The following AHSG variants were observed in gnomAD, a reference collection of about 807,000 sequenced individuals.
AHSG encodes the protein alpha 2-HS glycoprotein, also known as alpha-2-HS-glycoprotein.
AHSG carries 23 observed loss-of-function variants against 30.1 expected under a neutral mutation model. The observed-to-expected ratio is 0.76, with a 90% CI of 0.55 to 1.08. AHSG has a LOEUF of 1.08. AHSG is among the 50% of genes least tolerant of loss of function. The pLI, the probability that AHSG is intolerant of heterozygous loss-of-function variation, is 0.00. For synonymous variants in AHSG, 164 were observed against 186.3 expected (o/e 0.88, Z 0.98); for missense variants, 469 against 459.5 (o/e 1.02, Z -0.19).
At position 186,617,276 on chromosome 3, in the gene AHSG, G is replaced by A; in HGVS notation, c.499G>A (p.Ala167Thr). The A allele has an allele frequency of 1.2e-6, 2 of 1,614,212 alleles. No individual in the cohort carries two copies. Among genetic ancestry groups the A allele is most frequent in the Non-Finnish European group, 8.5e-7 (1 of 1,180,042 alleles). ...CAGGGTGGTGCACGCCGCGAAAGCT[G>A]CCCTGGCCGCCTTCAACGCTCAGAA... ...DTRVVHAAKA[A>T]LAAFNAQNNG... Residue 167 changes from alanine (A) to threonine (T), a missense_variant, in exon 4 of 7, where the codon GCC (alanine) becomes ACC (threonine). Coordinates refer to ENST00000411641, the MANE Select transcript of AHSG (RefSeq NM_001622.4).
intron 1 of AHSG, among the ~76,000 whole-genome samples, chr3:186,613,654 C>T (rs1435456841): frequency 6.6e-6 from 1 of 152,112 alleles, no homozygotes; most frequent in Non-Finnish European, 1.5e-5. Flanking sequence ...AACTAGGACC[C>T]AAGAGACCAG....
rs1038661264 is a variant in AHSG at position 186,613,146 on chromosome 3, A to G, written c.5A>G (p.Lys2Arg). 2.7e-5 allele frequency: 43 copies of G among 1,614,032 alleles called. No individual in the cohort carries two copies. The highest frequency in any genetic ancestry group is 3.5e-5 in the Non-Finnish European group (41 of 1,179,980). Residue 2 changes from lysine to arginine, a missense_variant, in exon 1 of 7, where the codon AAG becomes AGG. Coordinates refer to ENST00000411641, the MANE Select transcript of AHSG (RefSeq NM_001622.4). M[K>R]SLVLLLCLAQ... is the part of the protein sequence containing the mutation. The stretch of plus-strand genomic sequence containing the variant: ...CAGGGCCTCTCTGGGGCAGCCATGA[A>G]GTCCCTCGTCCTGCTCCTTTGTCTT...
intron 5 of AHSG, among the ~76,000 whole-genome samples, chr3:186,619,191 G>A (rs751129993): frequency 1.6e-4 from 25 of 152,144 alleles, no homozygotes; most frequent in Non-Finnish European, 2.6e-4. Context: ...CAGCTACTCG[G>A]GAGGCTGAGG....
Position 186,620,630 on chromosome 3 carries a change from C to T in AHSG, c.804C>T (p.Val268=), listed in dbSNP as rs144873304. ...AACCAGAAGGTGCCAATGAAGCAGT[C>T]CCCACACCCGTGGTGGACCCAGATG... ...QPQPEGANEA[V]PTPVVDPDAP... Residue 268 remains valine (V), a synonymous_variant, in exon 7 of 7, where the codon GTC becomes GTT. Transcript: ENST00000411641. 1.7e-3 allele frequency: 2,805 copies of T among 1,612,762 alleles called. 8 individuals are homozygous for T. The highest frequency in any genetic ancestry group is 2.4e-3 in the South Asian group (222 of 91,030).
Position 186,613,336 on chromosome 3 carries a change from A to C in AHSG, c.195A>C (p.Glu65Asp). The change falls in exon 1 of 7, where the codon GAA becomes GAC. Residue 65 changes from glutamate to aspartate, a missense_variant. Coordinates refer to ENST00000411641, the MANE Select transcript of AHSG (RefSeq NM_001622.4). Reference protein sequence around the residue: ...GYKHTLNQIDEVKVWPQQPSG... With the variant: ...GYKHTLNQIDDVKVWPQQPSG... ...AACACACCTTGAACCAGATTGATGA[A>C]GTAAAGGTGTGGCCTCAGGTAAGTG... 1 of 1,613,674 alleles carries C rather than the reference A, an allele frequency of 6.2e-7. No individual in the cohort carries two copies.
At chr3:186,613,954 A>T (rs772494057) in intron 1 of AHSG, among the ~76,000 whole-genome samples, 1 of 151,176 alleles carries the variant, frequency 6.6e-6, no homozygotes, top group African/African-American at 2.4e-5. Flanking sequence ...GTCCAAAATC[A>T]TATAATTACT....
At chr3:186,619,344 A>C (rs1482329776) in intron 5 of AHSG, among the ~76,000 whole-genome samples, 1 of 152,172 alleles carries the variant, frequency 6.6e-6, no homozygotes, top group Non-Finnish European at 1.5e-5. Context: ...ATTTGACAGA[A>C]TATATCTATA....
intron 1 of AHSG, among the ~76,000 whole-genome samples, chr3:186,615,326 A>T (rs552607192): frequency 6.6e-6 from 1 of 152,358 alleles, no homozygotes; most frequent in Non-Finnish European, 1.5e-5. Flanking sequence ...GTGAAATCTT[A>T]AAAAATTAAA....
intron 3 of AHSG, among the ~76,000 whole-genome samples, chr3:186,616,763 A>G (rs113048468): frequency 1.3e-5 from 2 of 152,274 alleles, no homozygotes; most frequent in African/African-American, 4.8e-5. Flanking sequence ...TGAAGTCAGA[A>G]GTTCGAGACC....
rs1178245414 is a variant in AHSG, at chr3:186,620,852, G to C, written c.1026G>C (p.Val342=). The change falls in exon 7 of 7, where the codon GTG becomes GTC. Residue 342 remains valine (V), a synonymous_variant. Coordinates refer to ENST00000411641, the MANE Select transcript of AHSG (RefSeq NM_001622.4). The part of the protein sequence containing the change: ...EVSHPRKTRT[V]VQPSVGAAAG... The stretch of plus-strand genomic sequence containing the variant: ...CGCACCCCCGGAAAACACGCACAGT[G>C]GTGCAGCCTAGTGTTGGTGCTGCTG... The C allele has an allele frequency of 6.2e-7, 1 of 1,614,190 alleles. No homozygotes were observed. The highest frequency in any genetic ancestry group is 1.7e-5 in the Admixed American group (1 of 60,020).
rs761660984 is a variant in AHSG, at chr3:186,620,589, G to A, written c.763G>A (p.Val255Met). 29 of 1,589,880 alleles carry A rather than the reference G, an allele frequency of 1.8e-5. 1 individual carries two copies. Among genetic ancestry groups the A allele is most frequent in the Middle Eastern group, 3.3e-4 (2 of 5,974 alleles). ...VTCMVFQTQP[V>M]SSQPQPEGAN... ...AAGGAAATGGTCCTTTTTCCAGCCC[G>A]TGAGCTCACAGCCCCAACCAGAAGG... Residue 255 changes from valine (V) to methionine (M), a missense_variant, in exon 7 of 7, where the codon GTG becomes ATG. Val to Met is a conservative substitution (Grantham distance 21). Transcript: ENST00000411641.
intron 4 of AHSG, chr3:186,617,588 G>A: frequency 1.5e-6 from 1 of 680,298 alleles, no homozygotes; most frequent in Non-Finnish European, 2.4e-6. Context: ...ACGTCCAGCA[G>A]CCACAGCTGC....
intron 3 of AHSG, 111 bp from the exon 4 acceptor site, chr3:186,617,076 G>T (rs1381286398): frequency 4.0e-6 from 6 of 1,512,310 alleles, no homozygotes; most frequent in South Asian, 1.3e-5. Context: ...AAGAAGCAGA[G>T]AAAGTGCCTG....
rs70961709 is a variant in AHSG, at chr3:186,620,652, G to C, written c.826G>C (p.Asp276His). The change falls in exon 7 of 7, where the codon GAT becomes CAT. Residue 276 changes from aspartate to histidine, a missense_variant. Asp to His is a moderately conservative substitution (Grantham distance 81). Coordinates refer to ENST00000411641, the MANE Select transcript of AHSG (RefSeq NM_001622.4). ...EAVPTPVVDP[D>H]APPSPPLGAP... ...AGTCCCCACACCCGTGGTGGACCCA[G>C]ATGCACCTCCGTCCCCTCCACTTGG... The C allele has an allele frequency of 6.2e-7, 1 of 1,614,028 alleles. No individual in the cohort carries two copies.
Position 186,621,196 on chromosome 3 carries a change from CT to C in AHSG, c.*267del, listed in dbSNP as rs1351456215. 2.2e-6 allele frequency: 1 copy of C among 452,434 alleles called. No individual in the cohort carries two copies. Among genetic ancestry groups the C allele is most frequent in the Admixed American group, 3.5e-5 (1 of 28,432 alleles). 28.0% of individuals were successfully genotyped at this position (452,434 alleles called of 1,614,324 possible). A position where few individuals can be genotyped will look rare whatever the true frequency, so the allele number is the denominator to read the frequency against. ...GCCACCATGATTGTGTTCTCTGCCT[CT>C]GGTTGACCTTACAAAAACCATTGGA... On this transcript the variant is annotated 3_prime_UTR_variant, in exon 7 of 7. Transcript: ENST00000411641.
Position 186,618,476 on chromosome 3 carries a change from C to T in AHSG, c.574-60C>T, listed in dbSNP as rs569438557. On this transcript the variant is annotated intron_variant, in intron 4 of 6. Transcript: ENST00000411641. ...AAGGAGGCTACTTCCCGCTCTCCTTCTCTGCCCTTTTCATTGTAAGTCATC... is the reference window on the plus strand; with the variant it reads ...AAGGAGGCTACTTCCCGCTCTCCTTTTCTGCCCTTTTCATTGTAAGTCATC... The T allele has an allele frequency of 2.1e-5, 34 of 1,595,790 alleles. No individual in the cohort carries two copies. The South Asian group carries it at 3.5e-4, about 17-fold the overall frequency.
At chr3:186,616,906 G>A (rs540454487) in intron 3 of AHSG, among the ~76,000 whole-genome samples, 175 of 152,298 alleles carry the variant, frequency 1.1e-3, no homozygotes, top group African/African-American at 3.9e-3. Flanking sequence ...AGGTGGCAGT[G>A]GGCCGAGATC....
At chr3:186,617,044 A>G in intron 3 of AHSG, 143 bp from the exon 4 acceptor site, 1 of 1,487,096 alleles carries the variant, frequency 6.7e-7, no homozygotes, top group Non-Finnish European at 8.9e-7. Flanking sequence ...TCAGCATAGC[A>G]AAAGCCTTTT....
At chr3:186,619,189 C>T (rs1177298483) in intron 5 of AHSG, among the ~76,000 whole-genome samples, 4 of 151,952 alleles carry the variant, frequency 2.6e-5, no homozygotes, top group Non-Finnish European at 4.4e-5. Flanking sequence ...CCCAGCTACT[C>T]GGGAGGCTGA....
Sources: gnomAD v4.1 joint callset for allele counts (sites outside exome capture counted in the v4.1 genomes callset) on GRCh38, gnomAD v4.1.1 for gene constraint, MANE v1.5 for transcripts, NCBI Gene and HGNC (gene_info 2026-07-23, HGNC 2026-07-21) for gene names.